Variants in VGF observed in about 807,000 individuals in gnomAD.
VGF encodes neurosecretory protein VGF.
Under a neutral mutation model 41.1 loss-of-function variants are expected in VGF, and 13 were observed. The observed-to-expected ratio is 0.32, with a 90% confidence interval of 0.21 to 0.50. The LOEUF (loss-of-function observed/expected upper bound fraction) is 0.50. Among genes scored for constraint, VGF ranks in the 20% least tolerant of loss-of-function variants. VGF has a pLI of 0.98. For missense variants in VGF, 920 were observed against 882.1 expected (o/e 1.04, Z -0.54); for synonymous variants, 473 against 418.3 (o/e 1.13, Z -1.60).
chr7:101,165,155 G>GAA (rs3216811), intron 1 of VGF: 10 of 1,086,422 alleles, frequency 9.2e-6, no homozygotes, highest in Middle Eastern at 8.0e-4. Context: ...CAATATGGGG[G>GAA]AAAAAAAAAT....
At chr7:101,166,121 C>T (rs749418436), upstream of VGF, among the ~76,000 whole-genome samples, 5 of 152,146 alleles carry the variant, frequency 3.3e-5, no homozygotes, top group Non-Finnish European at 5.9e-5. Flanking sequence ...CCAAGGACGG[C>T]GTGAACCTGA....
rs761731782 is a variant in VGF at position 101,164,748 on chromosome 7, A to G, written c.96T>C (p.Pro32=). ...CTTTATGCTCAGAGCTGAGAGGAGG[A>G]GGCTGCGCCTCAGGGCGACCAGGGG... is the stretch of plus-strand genomic sequence containing the variant. The part of the protein sequence containing the change: ...AAPPGRPEAQ[P]PPLSSEHKEP... The change falls in exon 2 of 2, where the codon CCT becomes CCC. Residue 32 remains proline (P), a synonymous_variant. Coordinates refer to ENST00000249330, the MANE Select transcript of VGF (RefSeq NM_003378.4). 6.2e-7 allele frequency: 1 copy of G among 1,611,114 alleles called. No homozygotes were observed. Among genetic ancestry groups the G allele is most frequent in the Admixed American group, 1.7e-5 (1 of 59,916 alleles).
Position 101,165,538 on chromosome 7 carries a change from G to C in VGF, c.-185C>G, listed in dbSNP as rs928161520. 8 of 985,426 alleles carry C rather than the reference G, an allele frequency of 8.1e-6. No individual in the cohort carries two copies. Among genetic ancestry groups the C allele is most frequent in the Non-Finnish European group, 9.6e-6 (8 of 829,950 alleles). 61.0% of individuals were successfully genotyped at this position (985,426 alleles called of 1,614,324 possible). Reference sequence around the variant, plus strand: ...GGCTCAGCTGGGTCGGCGCGGCTCCGGGCGGCTAGCTCGCTCCGGCTTCAG... The same window carrying C: ...GGCTCAGCTGGGTCGGCGCGGCTCCCGGCGGCTAGCTCGCTCCGGCTTCAG... On this transcript the variant is annotated 5_prime_UTR_variant, in exon 1 of 2. Transcript: ENST00000249330.
chr7:101,164,929 C>T (rs1797194400), intron 1 of VGF, 66 bp from the exon 2 acceptor site: 1 of 1,444,984 alleles, frequency 6.9e-7, no homozygotes, highest in Admixed American at 2.8e-5. Flanking sequence ...GGTCTACGTT[C>T]CCTTCCCCCA....
chr7:101,166,431 C>G (rs1022458400), upstream of VGF, among the ~76,000 whole-genome samples: 19 of 151,974 alleles, frequency 1.3e-4, no homozygotes, highest in African/African-American at 4.6e-4. Context: ...CACACTCCCC[C>G]AGTCGCTTTC....
chr7:101,165,708 A>T (rs1382590931), upstream of VGF: 22 of 968,124 alleles, frequency 2.3e-5, no homozygotes, highest in Non-Finnish European at 2.7e-5. Context: ...CGACGATTGG[A>T]GGGTGCCTGC....
chr7:101,163,166 C>T lies in VGF; in HGVS notation c.1678G>A (p.Ala560Thr), dbSNP rs764896382. ...TGGTGGTAGTGGCGGCGGCGCAAGG[C>T]CGAGGGCGGCTGCAGTGTCCGCGGC... The part of the protein sequence containing the change: ...IRPRTLQPPS[A>T]LRRRHYHHAL... Residue 560 changes from alanine (A) to threonine (T), a missense_variant, in exon 2 of 2, where the codon GCC becomes ACC. Ala to Thr is a moderately conservative substitution (Grantham distance 58). This residue lies in a region of VGF where 257 missense variants were observed against 217.2 expected (regional missense o/e 1.18). Coordinates refer to ENST00000249330, the MANE Select transcript of VGF (RefSeq NM_003378.4). This position sits in a 1 kb window ranked among gnomAD's most constrained non-coding sequence, Gnocchi z 5.0. 1 of 1,566,786 alleles carries T rather than the reference C, an allele frequency of 6.4e-7. No homozygotes were observed. Among genetic ancestry groups the T allele is most frequent in the Non-Finnish European group, 8.6e-7 (1 of 1,161,556 alleles).
chr7:101,164,309 C>T lies in VGF; in HGVS notation c.535G>A (p.Glu179Lys). Residue 179 changes from glutamate (E) to lysine (K), a missense_variant, in exon 2 of 2, where the codon GAG (glutamate) becomes AAG (lysine). Transcript: ENST00000249330. Reference sequence around the variant, plus strand: ...GTTTCCGTCTCTGCTGCCGCCGTCTCCTGCTGGCGCTTGGCGCTACTTGGA... The same window carrying T: ...GTTTCCGTCTCTGCTGCCGCCGTCTTCTGCTGGCGCTTGGCGCTACTTGGA... ...FSPSSAKRQQ[E>K]TAAAETETRT... The T allele has an allele frequency of 9.3e-6, 15 of 1,610,286 alleles. No homozygotes were observed. Among genetic ancestry groups the T allele is most frequent in the South Asian group, 1.1e-5 (1 of 91,090 alleles).
chr7:101,167,525 G>A (rs1039886751), upstream of VGF, among the ~76,000 whole-genome samples: 16 of 152,160 alleles, frequency 1.1e-4, no homozygotes, highest in Non-Finnish European at 2.4e-4. This position sits in a 1 kb window ranked among gnomAD's most constrained non-coding sequence, Gnocchi z 4.2. Flanking sequence ...GCAGTGGGAT[G>A]GGGAGGGGGT....
Position 101,163,379 on chromosome 7 carries a change from C to T in VGF, c.1465G>A (p.Glu489Lys), listed in dbSNP as rs749471012. Residue 489 changes from glutamate (E) to lysine (K), a missense_variant, in exon 2 of 2, where the codon GAG (glutamate) becomes AAG (lysine). Around this residue, in one of 3 missense-constraint regions of VGF, gnomAD observed 257 missense variants for 217.2 expected, o/e 1.18. Coordinates refer to ENST00000249330, the MANE Select transcript of VGF (RefSeq NM_003378.4). The surrounding 1 kb of genome is among the most constrained non-coding windows in gnomAD (Gnocchi z 5.0). ...KRKRKKNAPPEPVPPPRAAPA... is the reference protein window; with the variant it reads ...KRKRKKNAPPKPVPPPRAAPA... Reference sequence around the variant, plus strand: ...GCGGCACGGGGGGGCGGCACGGGCTCGGGAGGGGCGTTCTTCTTCCGCTTC... The same window carrying T: ...GCGGCACGGGGGGGCGGCACGGGCTTGGGAGGGGCGTTCTTCTTCCGCTTC... 6.3e-7 allele frequency: 1 copy of T among 1,583,234 alleles called. No individual in the cohort carries two copies. The highest frequency in any genetic ancestry group is 8.5e-7 in the Non-Finnish European group (1 of 1,172,156).
chr7:101,163,082 C>G lies in VGF; in HGVS notation c.1762G>C (p.Glu588Gln), dbSNP rs1797137605. 3.2e-6 allele frequency: 5 copies of G among 1,578,876 alleles called. No individual in the cohort carries two copies. Among genetic ancestry groups the G allele is most frequent in the Non-Finnish European group, 4.3e-6 (5 of 1,166,500 alleles). The change falls in exon 2 of 2, where the codon GAG becomes CAG. Residue 588 changes from glutamate (E) to glutamine (Q), a missense_variant. Coordinates refer to ENST00000249330, the MANE Select transcript of VGF (RefSeq NM_003378.4). This position sits in a 1 kb window ranked among gnomAD's most constrained non-coding sequence, Gnocchi z 5.0. Reference protein sequence around the residue: ...GREAQARRAQEEAEAEERRLQ... With the variant: ...GREAQARRAQQEAEAEERRLQ... ...CGGCGCTCCTCCGCCTCCGCCTCCT[C>G]CTGCGCGCGCCGCGCCTGGGCCTCC... is the stretch of plus-strand genomic sequence containing the variant.
rs371811879 is a variant in VGF, at chr7:101,164,019, C to G, written c.825G>C (p.Pro275=). The change falls in exon 2 of 2, where the codon CCG becomes CCC. Residue 275 remains proline, a synonymous_variant. Coordinates refer to ENST00000249330, the MANE Select transcript of VGF (RefSeq NM_003378.4). ...LSKAYQGVAA[P]FPKARRPESA... The stretch of plus-strand genomic sequence containing the variant: ...TCTCCGGCCGGCGCGCCTTGGGGAA[C>G]GGGGCGGCCACGCCTTGGTACGCCT... 1 of 1,478,496 alleles carries G rather than the reference C, an allele frequency of 6.8e-7. No homozygotes were observed. Among genetic ancestry groups the G allele is most frequent in the African/African-American group, 1.4e-5 (1 of 69,160 alleles). The allele number at this position is 1,478,496 out of a possible 1,614,324, so 91.6% of individuals were successfully genotyped here.
Position 101,162,871 on chromosome 7 carries a change from CAGGGGCAGGGCCA to C in VGF, c.*112_*124del, listed in dbSNP as rs1422983470. ...GGCAGGTCCCGACGCAGCCCGGGGA[CAGGGGCAGGGCCA>C]AGGGGCAGGGCCGGGGCGCATGCAA... On this transcript the variant is annotated 3_prime_UTR_variant, in exon 2 of 2. Transcript: ENST00000249330. This position sits in a 1 kb window ranked among gnomAD's most constrained non-coding sequence, Gnocchi z 4.2. 26 of 709,420 alleles carry C rather than the reference CAGGGGCAGGGCCA, an allele frequency of 3.7e-5. No individual in the cohort carries two copies. The highest frequency in any genetic ancestry group is 1.6e-4 in the African/African-American group (9 of 55,198). The allele number at this position is 709,420 out of a possible 1,614,324, so 43.9% of individuals were successfully genotyped here. A position where few individuals can be genotyped will look rare whatever the true frequency, so the allele number is the denominator to read the frequency against.
chr7:101,167,417 G>A (rs901380703), upstream of VGF, among the ~76,000 whole-genome samples: 1 of 152,160 alleles, frequency 6.6e-6, no homozygotes, highest in Non-Finnish European at 1.5e-5. The surrounding 1 kb of genome is among the most constrained non-coding windows in gnomAD (Gnocchi z 4.2). Flanking sequence ...AGACCCCGAG[G>A]CGATGCCTCC....
Position 101,163,479 on chromosome 7 carries a change from G to A in VGF, c.1365C>T (p.Leu455=), listed in dbSNP as rs1305497380. Residue 455 remains leucine, a synonymous_variant, in exon 2 of 2, where the codon CTC becomes CTT. Coordinates refer to ENST00000249330, the MANE Select transcript of VGF (RefSeq NM_003378.4). This position sits in a 1 kb window ranked among gnomAD's most constrained non-coding sequence, Gnocchi z 5.0. ...GGTGGAGTTTGGTGGACAGCTCAAT[G>A]AGGCTGTCGATCGTCTGCGGATCCA... The part of the protein sequence containing the change: ...EEMDPQTIDS[L]IELSTKLHLP... 1.2e-6 allele frequency: 2 copies of A among 1,613,092 alleles called. No homozygotes were observed. The highest frequency in any genetic ancestry group is 1.7e-6 in the Non-Finnish European group (2 of 1,179,924).
upstream of VGF, among the ~76,000 whole-genome samples, chr7:101,168,890 C>T (rs748964117): frequency 1.3e-5 from 2 of 152,116 alleles, no homozygotes; most frequent in Non-Finnish European, 2.9e-5. Flanking sequence ...ACTGCGTCAG[C>T]CATGGTGGAG....
At position 101,162,842 on chromosome 7, in the gene VGF, G is replaced by C. The variant is rs980344767; in HGVS notation, c.*154C>G. The C allele has an allele frequency of 3.0e-6, 2 of 671,134 alleles. No homozygotes were observed. Among genetic ancestry groups the C allele is most frequent in the African/African-American group, 1.8e-5 (1 of 55,202 alleles). The allele number at this position is 671,134 out of a possible 1,614,324, so 41.6% of individuals were successfully genotyped here. ...TTCGGGCTCAGGACCCGGGAGGGGG[G>C]TCTGGCAGGTCCCGACGCAGCCCGG... On this transcript the variant is annotated 3_prime_UTR_variant, in exon 2 of 2. Transcript: ENST00000249330. The surrounding 1 kb of genome is among the most constrained non-coding windows in gnomAD (Gnocchi z 4.2).
Position 101,164,260 on chromosome 7 carries a change from A to C in VGF, c.584T>G (p.Val195Gly). ...TETRTHTLTRVNLESPGPERV... is the reference protein window; with the variant it reads ...TETRTHTLTRGNLESPGPERV... ...CTCTGGCCCCGGGCTCTCCAGATTCACTCGGGTCAGCGTGTGCGTGCGGGT... is the reference window on the plus strand; with the variant it reads ...CTCTGGCCCCGGGCTCTCCAGATTCCCTCGGGTCAGCGTGTGCGTGCGGGT... The change falls in exon 2 of 2, where the codon GTG becomes GGG. Residue 195 changes from valine (V) to glycine (G), a missense_variant. Physicochemically the swap from Val to Gly is moderately radical, Grantham distance 109 (BLOSUM62 -3). Coordinates refer to ENST00000249330, the MANE Select transcript of VGF (RefSeq NM_003378.4). 1 of 1,599,652 alleles carries C rather than the reference A, an allele frequency of 6.3e-7. No individual in the cohort carries two copies. The highest frequency in any genetic ancestry group is 8.5e-7 in the Non-Finnish European group (1 of 1,177,000).
chr7:101,164,073 G>A lies in VGF; in HGVS notation c.771C>T (p.His257=). 6.0e-6 allele frequency: 9 copies of A among 1,499,970 alleles called. No individual in the cohort carries two copies. Among genetic ancestry groups the A allele is most frequent in the Non-Finnish European group, 7.9e-6 (9 of 1,132,514 alleles). 92.9% of individuals were successfully genotyped at this position (1,499,970 alleles called of 1,614,324 possible). The part of the protein sequence containing the change: ...FGEGVSSPKT[H]LGEALAPLSK... ...ACAGGGGTGCCAATGCCTCGCCTAG[G>A]TGTGTTTTGGGGGAGGACACTCCTT... is the stretch of plus-strand genomic sequence containing the variant. Residue 257 remains histidine, a synonymous_variant, in exon 2 of 2, where the codon CAC becomes CAT. Coordinates refer to ENST00000249330, the MANE Select transcript of VGF (RefSeq NM_003378.4).
Sources: allele counts gnomAD v4.1 joint callset (sites outside exome capture counted in the v4.1 genomes callset), GRCh38; gene constraint gnomAD v4.1.1; regional missense constraint gnomAD v4.1.1; non-coding constraint Gnocchi (gnomAD v3.1); transcripts MANE v1.5; gene names NCBI Gene and HGNC (gene_info 2026-07-23, HGNC 2026-07-21).